Variants in SP4 observed in about 807,000 individuals in gnomAD.
SP4 encodes the protein Sp4 transcription factor.
SP4 carries 19 observed loss-of-function variants against 72.8 expected under a neutral mutation model. The observed-to-expected ratio is 0.26, with a 90% CI of 0.18 to 0.38. SP4 has a LOEUF of 0.38. Ranked by LOEUF, SP4 falls within the 10% of genes least tolerant of loss-of-function variation. The probability of loss-of-function intolerance (pLI) is 1.00; values close to 1 mark genes in which losing one functional copy is unlikely to be tolerated. For synonymous variants in SP4, 395 were observed against 333.1 expected, an observed-to-expected ratio of 1.19 and a Z score of -2.02; for missense variants, 1,008 against 926.3, an observed-to-expected ratio of 1.09 and a Z score of -1.14.
chr7:21,440,079 G>T (rs752271628), intron 3 of SP4, among the ~76,000 whole-genome samples: 1 of 152,104 alleles, frequency 6.6e-6, no homozygotes, highest in African/African-American at 2.4e-5. Flanking sequence ...TTTATTATTC[G>T]TGCAGACCAC....
In SP4 at chr7:21,428,223, C is replaced by T. The variant is rs371815493; in HGVS notation, c.-29C>T. ...CCACCCACCTCTATCCCAGTGTCTCCGTCTGAGGGTTTGTCCTGTTAATGC... is the reference window on the plus strand; with the variant it reads ...CCACCCACCTCTATCCCAGTGTCTCTGTCTGAGGGTTTGTCCTGTTAATGC... On this transcript the variant is annotated 5_prime_UTR_variant, in exon 1 of 6. Transcript: ENST00000222584. 25 of 1,351,438 alleles carry T rather than the reference C, an allele frequency of 1.8e-5. No homozygotes were observed. In the Admixed American group the frequency reaches 3.5e-4, roughly 19 times the overall value. The allele number at this position is 1,351,438 out of a possible 1,614,324, so 83.7% of individuals were successfully genotyped here.
chr7:21,442,005 TTTGTGTGTGTG>T (rs1783262506), intron 3 of SP4, among the ~76,000 whole-genome samples: 2 of 89,284 alleles, frequency 2.2e-5, no homozygotes, highest in Admixed American at 2.0e-4. Flanking sequence ...TGTGTGTGTG[TTTGTGTGTGTG>T]TGTGTGTGTG....
intron 3 of SP4, among the ~76,000 whole-genome samples, chr7:21,446,054 ATGTGTGTG>A (rs3060612): frequency 2.7e-5 from 4 of 147,656 alleles, no homozygotes; most frequent in African/African-American, 7.5e-5. Context: ...GTAGATATAT[ATGTGTGTG>A]TGTGTGTGTG....
chr7:21,468,210 A>G (rs898029237), intron 3 of SP4, among the ~76,000 whole-genome samples: 2 of 152,160 alleles, frequency 1.3e-5, no homozygotes, highest in Non-Finnish European at 2.9e-5. Context: ...TAATTACTGT[A>G]GCTACCTACA....
chr7:21,489,662 C>CA (rs1784921627), intron 5 of SP4, among the ~76,000 whole-genome samples: 2 of 150,386 alleles, frequency 1.3e-5, no homozygotes, highest in Admixed American at 6.7e-5. Flanking sequence ...TGGGTTCATG[C>CA]CATTCTCCTG....
intron 4 of SP4, among the ~76,000 whole-genome samples, chr7:21,479,792 A>T (rs762862592): frequency 1.8e-4 from 28 of 152,150 alleles, no homozygotes; most frequent in Non-Finnish European, 2.5e-4. Context: ...TTTAATCTTT[A>T]ACTTCTTTCA....
intron 5 of SP4, among the ~76,000 whole-genome samples, chr7:21,487,765 G>A (rs202054966): frequency 3.3e-4 from 5 of 15,302 alleles, no homozygotes; most frequent in South Asian, 2.5e-3. Flanking sequence ...GATGATGATG[G>A]TGGTGGTGGT....
At chr7:21,498,916 T>TA (rs909544902) in intron 5 of SP4, among the ~76,000 whole-genome samples, 13 of 149,784 alleles carry the variant, frequency 8.7e-5, no homozygotes, top group South Asian at 4.2e-4. Flanking sequence ...AAACCCTGTC[T>TA]AAAAAAAAAT....
At chr7:21,430,969 AT>A in intron 3 of SP4, 126 bp downstream of exon 3, 1 of 660,524 alleles carries the variant, frequency 1.5e-6, no homozygotes, top group East Asian at 2.7e-5. Context: ...GGAACCAGAA[AT>A]AGCAATATTA....
At chr7:21,439,554 C>G (rs1460520350) in intron 3 of SP4, among the ~76,000 whole-genome samples, 1 of 151,414 alleles carries the variant, frequency 6.6e-6, no homozygotes, top group African/African-American at 2.4e-5. Context: ...TGCAGTAGTC[C>G]CTTTCTTCAT....
At chr7:21,472,586 C>T (rs1784381801) in intron 3 of SP4, among the ~76,000 whole-genome samples, 1 of 151,968 alleles carries the variant, frequency 6.6e-6, no homozygotes, top group African/African-American at 2.4e-5. Flanking sequence ...AGCCACTGCA[C>T]CTGGCTGATA....
intron 3 of SP4, among the ~76,000 whole-genome samples, chr7:21,453,473 A>T (rs1206673961): frequency 6.6e-6 from 1 of 152,206 alleles, no homozygotes; most frequent in South Asian, 2.1e-4. Flanking sequence ...TAACTTAACA[A>T]TTATAATTAT....
intron 5 of SP4, 148 bp from the exon 6 acceptor site, chr7:21,510,874 T>A: frequency 1.4e-6 from 1 of 706,796 alleles, no homozygotes; most frequent in East Asian, 2.8e-5. Context: ...ATTGTGTATT[T>A]GATAACGTTT....
In SP4 at chr7:21,470,206, C is replaced by T. The variant is rs532176391; in HGVS notation, c.1679-6873C>T. 3.3e-5 allele frequency among the ~76,000 whole-genome samples: 5 copies of T among 152,312 alleles called. No individual in the cohort carries two copies. In the South Asian group the frequency reaches 1.0e-3, roughly 32 times the overall value. On this transcript the variant is annotated intron_variant, in intron 3 of 5. Transcript: ENST00000222584. ...TGTATAGATTTTAGATTATCATTCGCTTTATTTAAGAAACATTCATTAAGT... is the reference window on the plus strand; with the variant it reads ...TGTATAGATTTTAGATTATCATTCGTTTTATTTAAGAAACATTCATTAAGT...
intron 5 of SP4, among the ~76,000 whole-genome samples, chr7:21,489,133 C>T: frequency 6.6e-6 from 1 of 152,022 alleles, no homozygotes. Context: ...GTGTTTTAGC[C>T]AAGATACAAT....
intron 5 of SP4, among the ~76,000 whole-genome samples, chr7:21,501,891 C>T (rs1244135791): frequency 1.3e-5 from 2 of 152,152 alleles, no homozygotes; most frequent in Non-Finnish European, 2.9e-5. Context: ...CTAGCCACCC[C>T]TTTGAGGATG....
At position 21,513,884 on chromosome 7, in the gene SP4, C is replaced by T. The variant is rs964389346; in HGVS notation, c.*2615C>T. 1.3e-5 allele frequency: 2 copies of T among 152,256 alleles called. No individual in the cohort carries two copies. Among genetic ancestry groups the T allele is most frequent in the African/African-American group, 4.8e-5 (2 of 41,432 alleles). 9.4% of individuals were successfully genotyped at this position (152,256 alleles called of 1,614,324 possible). On this transcript the variant is annotated 3_prime_UTR_variant, in exon 6 of 6. Coordinates refer to ENST00000222584, the MANE Select transcript of SP4 (RefSeq NM_003112.5). ...ATATTTTGACAGTCTGTTCTGCATACCATTCTGAGTCTACTTTTCTGTCTT... is the reference window on the plus strand; with the variant it reads ...ATATTTTGACAGTCTGTTCTGCATATCATTCTGAGTCTACTTTTCTGTCTT...
chr7:21,430,004 C>A lies in SP4; in HGVS notation c.839C>A (p.Thr280Asn). The change falls in exon 3 of 6, where the codon ACT (threonine) becomes AAT (asparagine). Residue 280 changes from threonine to asparagine, a missense_variant. Thr to Asn is a moderately conservative substitution (Grantham distance 65, BLOSUM62 0). Around this residue, in one of 3 missense-constraint regions of SP4, gnomAD observed 893 missense variants for 743.3 expected, o/e 1.20. Transcript: ENST00000222584. ...AACAACGTGGCTGCCGGAGGAGGGA[C>A]TGGGCAGGTTGGCCAGCCTGCTGCT... ...VINNVAAGGG[T>N]GQVGQPAATA... is the part of the protein sequence containing the mutation. The A allele has an allele frequency of 6.2e-7, 1 of 1,614,144 alleles. No homozygotes were observed. The highest frequency in any genetic ancestry group is 8.5e-7 in the Non-Finnish European group (1 of 1,180,000).
chr7:21,432,220 T>TAGAAAAAG (rs1407062986), intron 3 of SP4, among the ~76,000 whole-genome samples: 24 of 152,356 alleles, frequency 1.6e-4, no homozygotes, highest in African/African-American at 5.8e-4. Context: ...AGTGTTTCCA[T>TAGAAAAAG]TGCGGTACTT....
Sources: allele counts gnomAD v4.1 joint callset (sites outside exome capture counted in the v4.1 genomes callset), GRCh38; gene constraint gnomAD v4.1.1; regional missense constraint gnomAD v4.1.1; transcripts MANE v1.5; gene names NCBI Gene and HGNC (gene_info 2026-07-23, HGNC 2026-07-21).